The following ZFHX3 variants were observed in gnomAD, a reference collection of about 807,000 sequenced individuals.
ZFHX3 encodes zinc finger homeobox protein 3.
A neutral mutation model predicts 279.1 loss-of-function variants in ZFHX3; 42 were observed. The observed-to-expected ratio is 0.15, with a 90% CI of 0.12 to 0.19. ZFHX3 has a LOEUF of 0.19. Among genes scored for constraint, ZFHX3 ranks in the 10% least tolerant of loss-of-function variants. ZFHX3 has a pLI of 1.00. For synonymous variants in ZFHX3, 2,293 were observed against 1,957.8 expected, an observed-to-expected ratio of 1.17 and a Z score of -4.52; for missense variants, 4,981 against 4,754.0, an observed-to-expected ratio of 1.05 and a Z score of -1.40.
chr16:73,518,291 G>A (rs2019556511), intron 2 of ZFHX3, among the ~76,000 whole-genome samples: 1 of 152,164 alleles, frequency 6.6e-6, no homozygotes, highest in Non-Finnish European at 1.5e-5. Context: ...GTTTAGAAAT[G>A]TTATTTATTT....
intron 2 of ZFHX3, among the ~76,000 whole-genome samples, chr16:73,547,211 G>A (rs1596991471): frequency 1.3e-5 from 2 of 151,870 alleles, no homozygotes; most frequent in Non-Finnish European, 2.9e-5. Flanking sequence ...CTGCACATCG[G>A]CTATGGTACT....
At chr16:73,701,570 G>A (rs145477763) in intron 1 of ZFHX3, among the ~76,000 whole-genome samples, 1 of 152,238 alleles carries the variant, frequency 6.6e-6, no homozygotes, top group African/African-American at 2.4e-5. Flanking sequence ...ATTTCATTAA[G>A]TTGTATCTCA....
chr16:73,211,202 C>T (rs1301010519), intron 5 of ZFHX3, among the ~76,000 whole-genome samples: 3 of 152,266 alleles, frequency 2.0e-5, no homozygotes, highest in Middle Eastern at 6.8e-3. Context: ...CAACTTTCTT[C>T]ACAATCATTT....
chr16:73,616,570 C>A (rs1037339947), intron 2 of ZFHX3, among the ~76,000 whole-genome samples: 4 of 151,586 alleles, frequency 2.6e-5, no homozygotes, highest in African/African-American at 9.7e-5. Context: ...CTGTGTTCTC[C>A]TGGGGAAGCT....
chr16:73,880,874 A>G (rs996472293), intron 1 of ZFHX3, among the ~76,000 whole-genome samples: 6 of 152,188 alleles, frequency 3.9e-5, no homozygotes, highest in Non-Finnish European at 5.9e-5. Context: ...TGTAAACGAC[A>G]TGTCTCTGCA....
chr16:73,782,897 G>A (rs1434614586), intron 1 of ZFHX3, among the ~76,000 whole-genome samples: 3 of 152,154 alleles, frequency 2.0e-5, no homozygotes, highest in Non-Finnish European at 2.9e-5. Context: ...TCTGCAAATT[G>A]GGAGTTAATT....
intron 1 of ZFHX3, chr16:73,058,483 C>T: frequency 1.2e-5 from 2 of 162,024 alleles, no homozygotes; most frequent in Non-Finnish European, 2.5e-5. Context: ...GAGGAGCAGG[C>T]GGCGGCGGCG....
chr16:73,033,323 CT>C (rs1964776854), intron 1 of ZFHX3, among the ~76,000 whole-genome samples: 4 of 152,146 alleles, frequency 2.6e-5, no homozygotes, highest in African/African-American at 9.7e-5. Flanking sequence ...GAAACTTCCC[CT>C]CCCTTCCAGG....
rs1181616906 is a variant in ZFHX3, at chr16:72,793,014, C to T, written c.9427+241G>A. ...GTATGCCAGGACCCTCAAGTTTTTCCCTATTATAGGGGATAAGAGTGGTTT... is the reference window on the plus strand; with the variant it reads ...GTATGCCAGGACCCTCAAGTTTTTCTCTATTATAGGGGATAAGAGTGGTTT... On this transcript the variant is annotated intron_variant, in intron 9 of 9. Transcript: ENST00000268489. The surrounding 1 kb of genome is among the most constrained non-coding windows in gnomAD (Gnocchi z 4.3). Among the ~76,000 whole-genome samples, 1 of 152,122 alleles carries T rather than the reference C, an allele frequency of 6.6e-6. No homozygotes were observed. Among genetic ancestry groups the T allele is most frequent in the African/African-American group, 2.4e-5 (1 of 41,396 alleles).
Position 72,919,777 on chromosome 16 carries a change from CTTTTTTTTTTT to C in ZFHX3, c.3217-29826_3217-29816del, listed in dbSNP as rs532405250. Among the ~76,000 whole-genome samples the C allele has an allele frequency of 7.5e-3, 319 of 42,282 alleles. 1 individual carries two copies. Among genetic ancestry groups the C allele is most frequent in the African/African-American group, 0.028 (263 of 9,506 alleles). 27.7% of individuals were successfully genotyped at this position (42,282 alleles called of 152,430 possible). A position where few individuals can be genotyped will look rare whatever the true frequency, so the allele number is the denominator to read the frequency against. ...CAACTAAAACATGTATATGCACCAT[CTTTTTTTTTTT>C]TTTTTTTTTTTTTTTTTTTTTGAGA... On this transcript the variant is annotated intron_variant, in intron 3 of 9. Transcript: ENST00000268489.
intron 7 of ZFHX3, among the ~76,000 whole-genome samples, chr16:72,802,278 GA>G (rs1041563837): frequency 6.8e-5 from 10 of 146,420 alleles, no homozygotes; most frequent in East Asian, 5.9e-4. Flanking sequence ...CGGCAAAAAA[GA>G]AAAAAAAAAG....
chr16:73,770,918 T>G (rs2142292244), intron 1 of ZFHX3, among the ~76,000 whole-genome samples: 1 of 152,300 alleles, frequency 6.6e-6, no homozygotes, highest in South Asian at 2.1e-4. Flanking sequence ...GATGGATCAC[T>G]TTTCTCCCCT....
At chr16:73,064,423 A>G (rs1280733402), upstream of ZFHX3, among the ~76,000 whole-genome samples, 1 of 151,992 alleles carries the variant, frequency 6.6e-6, no homozygotes, top group Non-Finnish European at 1.5e-5. Context: ...ACCCTGCCAG[A>G]GCCTCCAAAC....
chr16:73,784,882 G>T (rs1959597748), intron 1 of ZFHX3, among the ~76,000 whole-genome samples: 1 of 149,028 alleles, frequency 6.7e-6, no homozygotes, highest in South Asian at 2.1e-4. Context: ...CTCTAATGAG[G>T]AATAGTGGTC....
At chr16:72,946,130 T>C (rs1424445308) in intron 3 of ZFHX3, among the ~76,000 whole-genome samples, 3 of 152,240 alleles carry the variant, frequency 2.0e-5, no homozygotes, top group Non-Finnish European at 4.4e-5. Context: ...TTTTCTTACA[T>C]TCTTCCGTAC....
chr16:73,728,904 G>T (rs984910452), intron 1 of ZFHX3, among the ~76,000 whole-genome samples: 1 of 151,634 alleles, frequency 6.6e-6, no homozygotes, highest in South Asian at 2.1e-4. Context: ...AGGAGCTGTT[G>T]GTTCCTTTAC....
At chr16:72,830,063 A>G (rs2037027651) in intron 4 of ZFHX3, among the ~76,000 whole-genome samples, 1 of 152,116 alleles carries the variant, frequency 6.6e-6, no homozygotes. Flanking sequence ...CTGGGTAAAC[A>G]GTTGGTATGA....
chr16:73,812,745 T>C (rs1352011217), intron 1 of ZFHX3: 1 of 152,220 alleles, frequency 6.6e-6, no homozygotes, highest in African/African-American at 2.4e-5. Context: ...AATAGATGTT[T>C]GATAAATGAG....
At chr16:73,889,605 T>C in intron 1 of ZFHX3, among the ~76,000 whole-genome samples, 1 of 152,134 alleles carries the variant, frequency 6.6e-6, no homozygotes, top group East Asian at 1.9e-4. Context: ...AACCGCATTG[T>C]TTTAAGTATC....
Sources: gnomAD v4.1 joint callset for allele counts (sites outside exome capture counted in the v4.1 genomes callset) on GRCh38, gnomAD v4.1.1 for gene constraint, Gnocchi (gnomAD v3.1) non-coding constraint, MANE v1.5 for transcripts, NCBI Gene and HGNC (gene_info 2026-07-23, HGNC 2026-07-21) for gene names.